RIMBP2: variants seen among roughly 807,000 people sequenced by gnomAD.
The protein encoded by RIMBP2 is RIMS-binding protein 2.
In RIMBP2, 48 loss-of-function variants were observed where a neutral mutation model predicts 118.6. The observed-to-expected ratio is 0.40, with a 90% confidence interval of 0.32 to 0.51. The LOEUF (loss-of-function observed/expected upper bound fraction) is 0.51, where lower values mean the gene tolerates loss of function less well. Among genes scored for constraint, RIMBP2 ranks in the 20% least tolerant of loss-of-function variants. The pLI is 0.41. For missense variants in RIMBP2, 1,551 were observed against 1,768.3 expected, an observed-to-expected ratio of 0.88 and a Z score of 2.20; for synonymous variants, 762 against 742.9, an observed-to-expected ratio of 1.03 and a Z score of -0.42.
intron 2 of RIMBP2, among the ~76,000 whole-genome samples, chr12:130,610,038 G>A (rs1193539956): frequency 6.6e-6 from 1 of 152,234 alleles, no homozygotes; most frequent in Non-Finnish European, 1.5e-5. Flanking sequence ...ATAGTGTGTG[G>A]CCAGTTCTCT....
At chr12:130,599,281 T>C (rs773412745) in intron 2 of RIMBP2, among the ~76,000 whole-genome samples, 15 of 152,182 alleles carry the variant, frequency 9.9e-5, no homozygotes, top group Non-Finnish European at 2.1e-4. Flanking sequence ...TCATGAAAAG[T>C]ACAAGGTTCT....
chr12:130,675,842 C>T (rs80316006), intron 1 of RIMBP2, among the ~76,000 whole-genome samples: 2,131 of 152,276 alleles, frequency 0.014, 58 homozygotes, highest in African/African-American at 0.047. Context: ...CACATGGAAA[C>T]GCACTGCCAT....
rs1566020419 is a variant in RIMBP2, at chr12:130,431,429, T to A, written c.2254-3092A>T. On this transcript the variant is annotated intron_variant, in intron 14 of 22. Transcript: ENST00000690449. This position sits in a 1 kb window ranked among gnomAD's most constrained non-coding sequence, Gnocchi z 4.0. ...CACTCCCTACCACTGTCATGATGCGTCACCTAGCCAGACGCCATCTGTATG... is the reference window on the plus strand; with the variant it reads ...CACTCCCTACCACTGTCATGATGCGACACCTAGCCAGACGCCATCTGTATG... 1 of 418,138 alleles carries A rather than the reference T, an allele frequency of 2.4e-6. No individual in the cohort carries two copies. Among genetic ancestry groups the A allele is most frequent in the African/African-American group, 2.0e-5 (1 of 49,722 alleles). The allele number at this position is 418,138 out of a possible 1,614,324, so 25.9% of individuals were successfully genotyped here.
intron 4 of RIMBP2, among the ~76,000 whole-genome samples, chr12:130,480,745 T>C (rs578041651): frequency 3.4e-4 from 51 of 152,216 alleles, no homozygotes; most frequent in Non-Finnish European, 6.2e-4. Flanking sequence ...GGATTACAGG[T>C]GCCCACCACC....
At chr12:130,648,957 C>T (rs929570808) in intron 1 of RIMBP2, among the ~76,000 whole-genome samples, 3 of 145,786 alleles carry the variant, frequency 2.1e-5, no homozygotes, top group Admixed American at 6.9e-5. Context: ...AGAAACGGAT[C>T]GCACATGGTA....
chr12:130,406,566 G>A (rs1161989928), intron 20 of RIMBP2, among the ~76,000 whole-genome samples: 1 of 152,138 alleles, frequency 6.6e-6, no homozygotes, highest in Non-Finnish European at 1.5e-5. Context: ...GGAATATTAG[G>A]GAAATGTTCT....
chr12:130,428,628 A>G, intron 14 of RIMBP2: 1 of 267,118 alleles, frequency 3.7e-6, no homozygotes, highest in Non-Finnish European at 7.0e-6. Flanking sequence ...GGCTTACAAG[A>G]CACGCGGGCA....
rs2061215819 is a variant in RIMBP2, at chr12:130,620,184, G to A, written c.-217+8138C>T. Among the ~76,000 whole-genome samples, 1 of 152,186 alleles carries A rather than the reference G, an allele frequency of 6.6e-6. No homozygotes were observed. Among genetic ancestry groups the A allele is most frequent in the Non-Finnish European group, 1.5e-5 (1 of 68,024 alleles). ...ATGGTGCCTCACCCTCTCCAGCCAA[G>A]GGATGGGCACAAGACCGAAGTGGTG... On this transcript the variant is annotated intron_variant, in intron 2 of 22. Transcript: ENST00000690449. This position sits in a 1 kb window ranked among gnomAD's most constrained non-coding sequence, Gnocchi z 5.3.
intron 2 of RIMBP2, among the ~76,000 whole-genome samples, chr12:130,537,770 T>C (rs1487867395): frequency 6.6e-6 from 1 of 152,214 alleles, no homozygotes; most frequent in Non-Finnish European, 1.5e-5. Flanking sequence ...TACATCCTGA[T>C]TGCTTTTCAT....
chr12:130,441,430 A>ATAG (rs2137155217), intron 11 of RIMBP2, among the ~76,000 whole-genome samples: 1 of 147,562 alleles, frequency 6.8e-6, no homozygotes, highest in East Asian at 2.0e-4. Context: ...AATAATAATA[A>ATAG]TAATAATAAT....
intron 1 of RIMBP2, chr12:130,668,105 G>A (rs1373634039): frequency 2.0e-5 from 3 of 152,190 alleles, no homozygotes; most frequent in African/African-American, 7.2e-5. Flanking sequence ...CACCTCCCTG[G>A]AGCTTGTAAC....
At chr12:130,660,509 G>T in intron 1 of RIMBP2, 1 of 152,264 alleles carries the variant, frequency 6.6e-6, no homozygotes, top group Non-Finnish European at 1.5e-5. Flanking sequence ...AAATGGGGTC[G>T]TGAATATGGA....
At chr12:130,585,456 C>T (rs376656861) in intron 2 of RIMBP2, among the ~76,000 whole-genome samples, 2 of 151,952 alleles carry the variant, frequency 1.3e-5, no homozygotes, top group East Asian at 1.9e-4. Context: ...ATTAAATGGC[C>T]ACTTTTAGGG....
chr12:130,712,012 A>C (rs1949952620), intron 1 of RIMBP2, among the ~76,000 whole-genome samples: 3 of 152,206 alleles, frequency 2.0e-5, no homozygotes, highest in Non-Finnish European at 2.9e-5. Context: ...CATAGAAGAG[A>C]GGCAGCGGAA....
chr12:130,612,290 G>A (rs544338947), intron 2 of RIMBP2, among the ~76,000 whole-genome samples: 16 of 152,270 alleles, frequency 1.1e-4, no homozygotes, highest in South Asian at 4.1e-4. Context: ...GTGCGGCCCC[G>A]GGTGTTTCAG....
intron 1 of RIMBP2, among the ~76,000 whole-genome samples, chr12:130,713,424 G>T (rs999090524): frequency 6.6e-6 from 1 of 152,220 alleles, no homozygotes; most frequent in African/African-American, 2.4e-5. Context: ...GGTGTCCTCA[G>T]CTGGTTGCAA....
intron 1 of RIMBP2, among the ~76,000 whole-genome samples, chr12:130,661,319 C>G (rs958616262): frequency 6.6e-6 from 1 of 152,290 alleles, no homozygotes; most frequent in Non-Finnish European, 1.5e-5. Context: ...GTGATTGGCT[C>G]AGGGCTAGAC....
chr12:130,701,182 G>A (rs1321261843), intron 1 of RIMBP2, among the ~76,000 whole-genome samples: 2 of 152,184 alleles, frequency 1.3e-5, no homozygotes, highest in East Asian at 1.9e-4. Flanking sequence ...TCTGAGCCAT[G>A]CCCACGGGGT....
chr12:130,710,710 C>A lies in RIMBP2; in HGVS notation c.-352+5512G>T, dbSNP rs1289104349. Among the ~76,000 whole-genome samples the A allele has an allele frequency of 6.6e-6, 1 of 152,166 alleles. No homozygotes were observed. Among genetic ancestry groups the A allele is most frequent in the Non-Finnish European group, 1.5e-5 (1 of 68,014 alleles). On this transcript the variant is annotated intron_variant, in intron 1 of 22. Coordinates refer to ENST00000690449, the MANE Select transcript of RIMBP2 (RefSeq NM_001393629.1). This position sits in a 1 kb window ranked among gnomAD's most constrained non-coding sequence, Gnocchi z 4.3. ...CACACAGCTAGGCCAAGGAGAGAGC[C>A]CCCCTCATCTCCCACACTGGGTCTC...
Sources: gnomAD v4.1 joint callset for allele counts (sites outside exome capture counted in the v4.1 genomes callset) on GRCh38, gnomAD v4.1.1 for gene constraint, Gnocchi (gnomAD v3.1) non-coding constraint, MANE v1.5 for transcripts, NCBI Gene and HGNC (gene_info 2026-07-23, HGNC 2026-07-21) for gene names.